Variants in DZANK1 observed in about 807,000 individuals in gnomAD.
The protein encoded by DZANK1 is double zinc ribbon and ankyrin repeat-containing protein 1.
A neutral mutation model predicts 94.5 loss-of-function variants in DZANK1; 91 were observed. The observed-to-expected ratio is 0.96, with a 90% confidence interval of 0.81 to 1.15. The LOEUF is 1.15. DZANK1 is among the 50% of genes most tolerant of loss of function. The probability of loss-of-function intolerance (pLI) is 0.00; values close to 1 mark genes in which losing one functional copy is unlikely to be tolerated. For synonymous variants in DZANK1, 312 were observed against 325.3 expected (o/e 0.96, Z 0.44); for missense variants, 903 against 916.4 (o/e 0.99, Z 0.19).
intron 8 of DZANK1, among the ~76,000 whole-genome samples, chr20:18,439,615 G>A (rs1601046745): frequency 6.6e-6 from 1 of 152,166 alleles, no homozygotes; most frequent in South Asian, 2.1e-4. Context: ...GCTCTAATGA[G>A]ATCAGGGAAC....
chr20:18,439,253 C>T (rs1368612803), intron 8 of DZANK1, among the ~76,000 whole-genome samples: 2 of 152,190 alleles, frequency 1.3e-5, no homozygotes, highest in Non-Finnish European at 2.9e-5. Context: ...AGCAACAAGT[C>T]CCCTTGGGGA....
chr20:18,415,474 G>A (rs2057448491), intron 10 of DZANK1, 25 bp from the exon 11 acceptor site: 1 of 1,478,666 alleles, frequency 6.8e-7, no homozygotes. Context: ...GGCATTTAAA[G>A]GCAGGATCAG....
rs77736002 is a variant in DZANK1 at position 18,439,260 on chromosome 20, G to C, written c.747+4087C>G. Among the ~76,000 whole-genome samples, 153 of 152,238 alleles carry C rather than the reference G, an allele frequency of 1.0e-3. 1 individual carries two copies. Among genetic ancestry groups the C allele is most frequent in the African/African-American group, 3.6e-3 (150 of 41,532 alleles). ...CAATTGAAAGCAACAAGTCCCCTTGGGGAAGCGTTCAAGGAAGACTTATGA... is the reference window on the plus strand; with the variant it reads ...CAATTGAAAGCAACAAGTCCCCTTGCGGAAGCGTTCAAGGAAGACTTATGA... On this transcript the variant is annotated intron_variant, in intron 8 of 20. Transcript: ENST00000262547.
At chr20:18,394,569 C>A in intron 15 of DZANK1, 1 of 682,024 alleles carries the variant, frequency 1.5e-6, no homozygotes. Flanking sequence ...GGCCCCTCCT[C>A]CTCTCCCTCC....
intron 12 of DZANK1, 32 bp downstream of exon 12, chr20:18,414,316 G>A: frequency 6.2e-7 from 1 of 1,609,890 alleles, no homozygotes; most frequent in East Asian, 2.2e-5. Context: ...CCTCTTCCTG[G>A]GTACCAGTTC....
intron 7 of DZANK1, among the ~76,000 whole-genome samples, chr20:18,446,694 GA>G (rs1243478426): frequency 2.6e-5 from 4 of 151,882 alleles, no homozygotes; most frequent in South Asian, 4.2e-4. Context: ...AAATCTTCCT[GA>G]AAAAAAATCT....
intron 10 of DZANK1, among the ~76,000 whole-genome samples, chr20:18,422,046 CAGA>C (rs1345192263): frequency 6.6e-6 from 1 of 152,096 alleles, no homozygotes; most frequent in Non-Finnish European, 1.5e-5. Context: ...CTTTGCTGTG[CAGA>C]AGCTTTTTAG....
intron 16 of DZANK1, 39 bp downstream of exon 16, chr20:18,394,215 G>T (rs1265849865): frequency 1.3e-6 from 2 of 1,565,432 alleles, no homozygotes; most frequent in Admixed American, 1.7e-5. Flanking sequence ...ATGTGTTCCT[G>T]GTCAGTTGTT....
chr20:18,466,863 T>C (rs2148851284), intron 1 of DZANK1, 133 bp downstream of exon 1: 1 of 152,656 alleles, frequency 6.6e-6, no homozygotes, highest in East Asian at 1.9e-4. Context: ...CAAGGACACC[T>C]GCATCCTTTC....
intron 4 of DZANK1, chr20:18,454,074 A>G (rs1157820182): frequency 3.1e-5 from 18 of 582,596 alleles, no homozygotes; most frequent in Admixed American, 2.6e-4. Flanking sequence ...GGAGGCAGGG[A>G]GCAGCACATG....
exon 7 of DZANK1, chr20:18,449,046 G>C: frequency 1.2e-6 from 2 of 1,613,638 alleles, no homozygotes; most frequent in Non-Finnish European, 1.7e-6. Context: ...ACTTCTGACC[G>C]CTTACGTGTG....
intron 7 of DZANK1, among the ~76,000 whole-genome samples, chr20:18,446,870 G>A (rs928509725): frequency 4.6e-5 from 7 of 152,074 alleles, no homozygotes; most frequent in African/African-American, 1.7e-4. Context: ...ACTAAAACCA[G>A]ACAAAGACAT....
At chr20:18,414,268 T>C (rs2057385328) in intron 12 of DZANK1, 80 bp downstream of exon 12, 1 of 1,511,010 alleles carries the variant, frequency 6.6e-7, no homozygotes, top group Non-Finnish European at 8.9e-7. Flanking sequence ...TTCCCCGGGT[T>C]GATTCACAGG....
At chr20:18,433,503 C>T (rs2058371035) in intron 9 of DZANK1, 149 bp downstream of exon 9, 2 of 651,004 alleles carry the variant, frequency 3.1e-6, no homozygotes, top group African/African-American at 1.8e-5. Flanking sequence ...GATTGCGCTA[C>T]TGCACTCCAG....
intron 13 of DZANK1, among the ~76,000 whole-genome samples, chr20:18,401,520 C>A (rs1225764860): frequency 1.3e-5 from 2 of 152,212 alleles, no homozygotes; most frequent in Admixed American, 1.3e-4. Flanking sequence ...AGGGACGGTT[C>A]ATCTCTGCTC....
At chr20:18,447,570 C>T (rs955674308) in intron 7 of DZANK1, among the ~76,000 whole-genome samples, 3 of 151,852 alleles carry the variant, frequency 2.0e-5, no homozygotes, top group Non-Finnish European at 4.4e-5. Flanking sequence ...TCAGGTGATC[C>T]GCCCACCTCA....
chr20:18,443,568 A>G (rs2058780110), intron 7 of DZANK1, 104 bp from the exon 8 acceptor site: 2 of 621,494 alleles, frequency 3.2e-6, no homozygotes, highest in East Asian at 6.4e-5. Context: ...ACAAAACAAA[A>G]GCAGACTGCT....
At chr20:18,389,753 C>G in exon 19 of DZANK1, 1 of 1,613,970 alleles carries the variant, frequency 6.2e-7, no homozygotes, top group Non-Finnish European at 8.5e-7. Flanking sequence ...ACTGGAATCG[C>G]TTCATGGTGC....
chr20:18,427,133 A>G, exon 10 of DZANK1: 2 of 1,613,128 alleles, frequency 1.2e-6, no homozygotes, highest in Non-Finnish European at 1.7e-6. Context: ...GATTTCCTGT[A>G]CCACAGGCCC....
Sources: gnomAD v4.1 joint callset for allele counts (sites outside exome capture counted in the v4.1 genomes callset) on GRCh38, gnomAD v4.1.1 for gene constraint, MANE v1.5 for transcripts, NCBI Gene and HGNC (gene_info 2026-07-23, HGNC 2026-07-21) for gene names.